The following PLCL1 variants were observed in gnomAD, a reference collection of about 807,000 sequenced individuals.
PLCL1 encodes the protein inactive phospholipase C-like protein 1.
PLCL1 carries 41 observed loss-of-function variants against 84.4 expected under a neutral mutation model. That is an observed-to-expected ratio of 0.49 (90% confidence interval 0.38 to 0.63). PLCL1 has a LOEUF of 0.63. PLCL1 is among the 30% of genes least tolerant of loss of function. PLCL1 has a pLI of 0.00. For missense variants in PLCL1, 1,206 were observed against 1,367.8 expected, an observed-to-expected ratio of 0.88 and a Z score of 1.87; for synonymous variants, 490 against 488.3, an observed-to-expected ratio of 1.00 and a Z score of -0.05.
intron 5 of PLCL1, among the ~76,000 whole-genome samples, chr2:198,132,078 C>G (rs1451078408): frequency 6.6e-6 from 1 of 152,164 alleles, no homozygotes; most frequent in Non-Finnish European, 1.5e-5. Context: ...TTTTATTCCT[C>G]TCTATATTTT....
intron 1 of PLCL1, among the ~76,000 whole-genome samples, chr2:198,015,602 G>A (rs1308298677): frequency 1.3e-5 from 2 of 152,142 alleles, no homozygotes; most frequent in Non-Finnish European, 2.9e-5. Flanking sequence ...CTTATTAAGT[G>A]GGCCAGGTAC....
chr2:197,884,362 T>G (rs1687881181), intron 1 of PLCL1, among the ~76,000 whole-genome samples: 1 of 152,176 alleles, frequency 6.6e-6, no homozygotes, highest in South Asian at 2.1e-4. Flanking sequence ...CCCAGTTGAG[T>G]TCTCTCTCTT....
chr2:197,865,877 G>C lies in PLCL1; in HGVS notation c.240+60538G>C, dbSNP rs1028684722. Among the ~76,000 whole-genome samples the C allele has an allele frequency of 2.0e-5, 3 of 150,440 alleles. No homozygotes were observed. The Admixed American group carries it at 2.0e-4, about 10-fold the overall frequency. On this transcript the variant is annotated intron_variant, in intron 1 of 5. Transcript: ENST00000428675. ...AAAATACAAAAATTAGCTGGGTATG[G>C]TGGTGCCTGCCTGTAGTCCCAGCTA... is the stretch of plus-strand genomic sequence containing the variant.
intron 1 of PLCL1, among the ~76,000 whole-genome samples, chr2:197,822,532 T>C (rs1038165233): frequency 6.6e-6 from 1 of 152,186 alleles, no homozygotes; most frequent in Non-Finnish European, 1.5e-5. Context: ...GTGCTTACCA[T>C]GTTCCAGACA....
chr2:197,905,047 A>G (rs571310731), intron 1 of PLCL1, among the ~76,000 whole-genome samples: 14 of 152,276 alleles, frequency 9.2e-5, no homozygotes, highest in African/African-American at 3.4e-4. Context: ...CTTCTTGCAC[A>G]AATGCTTCAT....
chr2:198,135,193 A>G (rs1438918075), intron 5 of PLCL1, among the ~76,000 whole-genome samples: 1 of 152,140 alleles, frequency 6.6e-6, no homozygotes, highest in East Asian at 1.9e-4. Context: ...GGCTTATGAC[A>G]CTCATGGCGG....
rs928842663 is a variant in PLCL1, at chr2:197,963,145, C to A, written c.241-120613C>A. On this transcript the variant is annotated intron_variant, in intron 1 of 5. Transcript: ENST00000428675. The stretch of plus-strand genomic sequence containing the variant: ...GCTCTATTTTTAGTTTTTTGAGGAA[C>A]CTCCAAACCGTTCTCCATAGTGGTT... 9.2e-5 allele frequency among the ~76,000 whole-genome samples: 14 copies of A among 152,006 alleles called. 1 individual carries two copies. Among genetic ancestry groups the A allele is most frequent in the Non-Finnish European group, 2.9e-5 (2 of 67,920 alleles).
chr2:197,955,223 T>C (rs1173990611), intron 1 of PLCL1, among the ~76,000 whole-genome samples: 1 of 151,914 alleles, frequency 6.6e-6, no homozygotes, highest in East Asian at 1.9e-4. Context: ...ATCAGATAGA[T>C]CAAACCCAGA....
chr2:197,887,961 G>A (rs551064617), intron 1 of PLCL1, among the ~76,000 whole-genome samples: 1 of 152,090 alleles, frequency 6.6e-6, no homozygotes, highest in Admixed American at 6.5e-5. Context: ...GTGCGGTGGT[G>A]TGTGGCTCTG....
At chr2:197,922,532 C>T (rs1432820490) in intron 1 of PLCL1, among the ~76,000 whole-genome samples, 1 of 127,000 alleles carries the variant, frequency 7.9e-6, no homozygotes, top group Non-Finnish European at 1.7e-5. Context: ...GTTGGGCACA[C>T]CTCCCAGACG....
intron 1 of PLCL1, chr2:198,070,921 TTAAA>T (rs1208489835): frequency 6.1e-6 from 1 of 163,404 alleles, no homozygotes; most frequent in African/African-American, 2.4e-5. Flanking sequence ...TATGTTAATT[TTAAA>T]TAATTTGAGC....
At chr2:197,991,149 C>A (rs761929690) in intron 1 of PLCL1, among the ~76,000 whole-genome samples, 1 of 152,072 alleles carries the variant, frequency 6.6e-6, no homozygotes, top group Admixed American at 6.6e-5. Flanking sequence ...CCATTGAGGG[C>A]CTGAATAGAA....
intron 1 of PLCL1, among the ~76,000 whole-genome samples, chr2:197,972,533 C>T (rs938096804): frequency 8.5e-5 from 13 of 152,092 alleles, no homozygotes; most frequent in African/African-American, 2.7e-4. Context: ...AGAAATTATC[C>T]TTCATCATCA....
chr2:197,968,378 C>T (rs1036118188), intron 1 of PLCL1, among the ~76,000 whole-genome samples: 1 of 152,208 alleles, frequency 6.6e-6, no homozygotes, highest in African/African-American at 2.4e-5. Flanking sequence ...CAGAGATCCC[C>T]CCTTACAAAA....
At chr2:197,810,889 T>TTTAGTC (rs1311116050) in intron 1 of PLCL1, among the ~76,000 whole-genome samples, 1 of 152,134 alleles carries the variant, frequency 6.6e-6, no homozygotes, top group Non-Finnish European at 1.5e-5. Context: ...ACTATCCGAC[T>TTTAGTC]TTAGATGACC....
At chr2:197,849,081 T>C (rs1231200830) in intron 1 of PLCL1, among the ~76,000 whole-genome samples, 1 of 151,110 alleles carries the variant, frequency 6.6e-6, no homozygotes, top group Non-Finnish European at 1.5e-5. Flanking sequence ...AAGGCTACAG[T>C]CCATAGAATA....
chr2:198,115,092 C>T (rs1451480275), intron 5 of PLCL1, among the ~76,000 whole-genome samples: 4 of 151,756 alleles, frequency 2.6e-5, no homozygotes, highest in African/African-American at 4.8e-5. Flanking sequence ...GAGTGGGTAG[C>T]GTGATCCCAC....
intron 1 of PLCL1, among the ~76,000 whole-genome samples, chr2:197,935,461 C>T (rs1469800315): frequency 2.0e-5 from 3 of 152,046 alleles, no homozygotes; most frequent in Non-Finnish European, 4.4e-5. Context: ...TTGTTCTTTG[C>T]AGCAACATAG....
chr2:197,994,161 T>G (rs1690407072), intron 1 of PLCL1, among the ~76,000 whole-genome samples: 1 of 152,164 alleles, frequency 6.6e-6, no homozygotes, highest in African/African-American at 2.4e-5. Flanking sequence ...GCGGGGAAGA[T>G]GAGACTCATA....
Sources: gnomAD v4.1 joint callset for allele counts (sites outside exome capture counted in the v4.1 genomes callset) on GRCh38, gnomAD v4.1.1 for gene constraint, MANE v1.5 for transcripts, NCBI Gene and HGNC (gene_info 2026-07-23, HGNC 2026-07-21) for gene names.